PRIM2: variants seen among roughly 807,000 people sequenced by gnomAD.
PRIM2 encodes DNA primase subunit 2, also known as DNA primase large subunit.
In PRIM2, 39 loss-of-function variants were observed where a neutral mutation model predicts 67.3. That is an observed-to-expected ratio of 0.58 (90% CI 0.45 to 0.76). The LOEUF (loss-of-function observed/expected upper bound fraction) is 0.76. Ranked by LOEUF, PRIM2 falls within the 30% of genes least tolerant of loss-of-function variation. PRIM2 has a pLI of 0.00. For missense variants in PRIM2, 398 were observed against 598.7 expected (o/e 0.66, Z 3.50); for synonymous variants, 143 against 198.7 (o/e 0.72, Z 2.36).
chr6:57,283,993 C>G, the PRIM2 span, among the ~76,000 whole-genome samples: 1 of 152,020 alleles, frequency 6.6e-6, no homozygotes, highest in African/African-American at 2.4e-5. Context: ...GTAATCTCGG[C>G]ATCATTATTA....
chr6:57,288,090 G>A, the PRIM2 span, among the ~76,000 whole-genome samples: 1 of 152,184 alleles, frequency 6.6e-6, no homozygotes, highest in Non-Finnish European at 1.5e-5. Context: ...CTTTTCCCAT[G>A]GTCTTCACAA....
chr6:57,279,191 A>G, the PRIM2 span, among the ~76,000 whole-genome samples: 1 of 152,212 alleles, frequency 6.6e-6, no homozygotes, highest in Non-Finnish European at 1.5e-5. Flanking sequence ...TCCTGTCTTA[A>G]GGAAGGACTT....
At chr6:57,373,529 G>A (rs1478638457) in intron 5 of PRIM2, among the ~76,000 whole-genome samples, 1 of 152,014 alleles carries the variant, frequency 6.6e-6, no homozygotes, top group African/African-American at 2.4e-5. Flanking sequence ...ATCTTTGCCT[G>A]TGCTTATGTC....
chr6:57,590,373 G>T (rs1294048563), intron 10 of PRIM2, among the ~76,000 whole-genome samples: 2 of 152,144 alleles, frequency 1.3e-5, no homozygotes, highest in African/African-American at 4.8e-5. Context: ...TTTTATTCAG[G>T]AAAAGCTGCA....
intron 12 of PRIM2, among the ~76,000 whole-genome samples, chr6:57,606,914 C>A (rs1776573384): frequency 6.6e-6 from 1 of 152,186 alleles, no homozygotes; most frequent in Non-Finnish European, 1.5e-5. Flanking sequence ...TTAATCTACA[C>A]TTCTGATGGT....
chr6:57,257,312 C>A, the PRIM2 span, among the ~76,000 whole-genome samples: 1 of 148,842 alleles, frequency 6.7e-6, no homozygotes, highest in Non-Finnish European at 1.5e-5. Flanking sequence ...GCTCTTGTTG[C>A]CCAGGCTGGA....
chr6:57,330,192 T>C (rs1204415177), intron 5 of PRIM2, among the ~76,000 whole-genome samples: 5 of 152,144 alleles, frequency 3.3e-5, no homozygotes, highest in African/African-American at 4.8e-5. Flanking sequence ...AACAATGTCT[T>C]GTAATTTTTT....
chr6:57,605,303 G>T (rs1382707868), intron 11 of PRIM2, among the ~76,000 whole-genome samples: 26 of 152,142 alleles, frequency 1.7e-4, no homozygotes, highest in Non-Finnish European at 2.9e-4. Flanking sequence ...AGTTAATGGG[G>T]GGAGTCCCCC....
intron 10 of PRIM2, among the ~76,000 whole-genome samples, chr6:57,600,034 A>C (rs1776433492): frequency 1.3e-5 from 2 of 152,180 alleles, no homozygotes; most frequent in African/African-American, 4.8e-5. Flanking sequence ...GTTGTACATC[A>C]CATTGCTTCA....
chr6:57,276,229 A>C, the PRIM2 span, among the ~76,000 whole-genome samples: 4 of 152,174 alleles, frequency 2.6e-5, no homozygotes, highest in African/African-American at 9.6e-5. Flanking sequence ...GTCTCTACTA[A>C]AAACACAAAA....
At chr6:57,305,342 AAGTTC>A in the PRIM2 span, among the ~76,000 whole-genome samples, 2 of 152,240 alleles carry the variant, frequency 1.3e-5, no homozygotes, top group Admixed American at 6.5e-5. Flanking sequence ...AAGTACAGAG[AAGTTC>A]AGTTCAGTTC....
At chr6:57,441,221 C>A (rs1201074890) in intron 7 of PRIM2, among the ~76,000 whole-genome samples, 2 of 152,094 alleles carry the variant, frequency 1.3e-5, no homozygotes, top group African/African-American at 4.8e-5. Context: ...AGAAGATAAC[C>A]CCCTTGCTAG....
intron 10 of PRIM2, among the ~76,000 whole-genome samples, chr6:57,551,048 T>A (rs1382800350): frequency 6.6e-6 from 1 of 152,232 alleles, no homozygotes; most frequent in East Asian, 1.9e-4. Context: ...TATTATTTTG[T>A]TTTTACTTAA....
At chr6:57,318,300 C>T in intron 1 of PRIM2, 137 bp from the exon 2 acceptor site, 1 of 752,248 alleles carries the variant, frequency 1.3e-6, no homozygotes, top group Non-Finnish European at 2.1e-6. Context: ...CCAGGAATTG[C>T]CACTGCTAAC....
chr6:57,304,173 C>T, the PRIM2 span, among the ~76,000 whole-genome samples: 1 of 151,898 alleles, frequency 6.6e-6, no homozygotes, highest in Admixed American at 6.6e-5. Context: ...CACAGTCATC[C>T]AGACAACCCA....
At chr6:57,446,035 C>T (rs1421850382) in intron 7 of PRIM2, among the ~76,000 whole-genome samples, 1 of 152,228 alleles carries the variant, frequency 6.6e-6, no homozygotes, top group Non-Finnish European at 1.5e-5. Context: ...TCTGTAGTTA[C>T]AGCTTCTTCA....
intron 8 of PRIM2, among the ~76,000 whole-genome samples, chr6:57,514,341 G>T (rs1774435927): frequency 6.6e-6 from 1 of 152,122 alleles, no homozygotes; most frequent in African/African-American, 2.4e-5. Context: ...AGAAAATTGT[G>T]TGGGCATTCA....
chr6:57,582,283 G>C (rs1191840859), intron 10 of PRIM2, among the ~76,000 whole-genome samples: 2 of 152,050 alleles, frequency 1.3e-5, no homozygotes, highest in Non-Finnish European at 1.5e-5. Context: ...AATTTCCTAA[G>C]GCTACAGATC....
chr6:57,339,064 GACAA>G (rs1437047609), intron 5 of PRIM2, among the ~76,000 whole-genome samples: 7 of 152,004 alleles, frequency 4.6e-5, no homozygotes, highest in Middle Eastern at 3.4e-3. Flanking sequence ...ACCAACAACA[GACAA>G]ACAGAGAGCC....
Sources: gnomAD v4.1 joint callset for allele counts (sites outside exome capture counted in the v4.1 genomes callset) on GRCh38, gnomAD v4.1.1 for gene constraint, MANE v1.5 for transcripts, NCBI Gene and HGNC (gene_info 2026-07-23, HGNC 2026-07-21) for gene names.